Variants in ODAD2 observed in about 807,000 individuals in gnomAD.
ODAD2 encodes outer dynein arm docking complex subunit 2, also known as outer dynein arm-docking complex subunit 2.
In ODAD2, 89 loss-of-function variants were observed where a neutral mutation model predicts 106.8. That is an observed-to-expected ratio of 0.83 (90% confidence interval 0.70 to 0.99). The LOEUF (loss-of-function observed/expected upper bound fraction) is 0.99. Ranked by LOEUF, ODAD2 falls within the 50% of genes least tolerant of loss-of-function variation. The probability of loss-of-function intolerance (pLI) is 0.00; values close to 1 mark genes in which losing one functional copy is unlikely to be tolerated. For synonymous variants in ODAD2, 404 were observed against 436.2 expected (o/e 0.93, Z 0.92); for missense variants, 1,168 against 1,238.5 (o/e 0.94, Z 0.85).
At chr10:27,851,626 T>C (rs1391868118) in intron 19 of ODAD2, among the ~76,000 whole-genome samples, 1 of 151,656 alleles carries the variant, frequency 6.6e-6, no homozygotes, top group East Asian at 1.9e-4. Context: ...AAAATCCTAA[T>C]TTAAAACACA....
At chr10:27,962,714 G>A (rs1224911051) in intron 9 of ODAD2, among the ~76,000 whole-genome samples, 3 of 152,038 alleles carry the variant, frequency 2.0e-5, no homozygotes, top group Admixed American at 6.6e-5. Flanking sequence ...TATGCCCTAC[G>A]TCCCTGCAGA....
intron 6 of ODAD2, among the ~76,000 whole-genome samples, chr10:27,983,627 T>G (rs1849693279): frequency 6.6e-6 from 1 of 152,220 alleles, no homozygotes; most frequent in Non-Finnish European, 1.5e-5. Context: ...GAAGCCCATT[T>G]CTTATCAGAT....
rs778597841 is a variant in ODAD2 at position 27,939,901 on chromosome 10, TA to T, written c.2092del (p.Tyr698ThrfsTer35). Reference protein sequence around the residue: ...QLQEHCAMAIYQCAEDKETRD... With the variant: ...QLQEHCAMAIXQCAEDKETRD... Reference sequence around the variant, plus strand: ...CGCTGGGAGAGTTCACTGCACCTGGTAAATGGCCATGGCGCAGTGCTCCTGC... The same window carrying T: ...CGCTGGGAGAGTTCACTGCACCTGGTAATGGCCATGGCGCAGTGCTCCTGC... On this transcript the variant is annotated frameshift_variant, in exon 14 of 20. Coordinates refer to ENST00000305242, the MANE Select transcript of ODAD2 (RefSeq NM_018076.5). LOFTEE classifies it high-confidence loss of function. 5 of 1,595,524 alleles carry T rather than the reference TA, an allele frequency of 3.1e-6. No individual in the cohort carries two copies. Among genetic ancestry groups the T allele is most frequent in the South Asian group, 1.1e-5 (1 of 88,282 alleles).
chr10:27,934,895 C>G, intron 16 of ODAD2, 115 bp downstream of exon 16: 2 of 1,281,700 alleles, frequency 1.6e-6, no homozygotes, highest in East Asian at 4.7e-5. Context: ...ATATGACACA[C>G]TGTATTTTTT....
intron 16 of ODAD2, among the ~76,000 whole-genome samples, chr10:27,919,041 TG>T (rs1012581073): frequency 1.3e-5 from 2 of 151,754 alleles, no homozygotes; most frequent in Non-Finnish European, 2.9e-5. Flanking sequence ...CTGAGAGAAA[TG>T]AAAGACCCAA....
intron 10 of ODAD2, among the ~76,000 whole-genome samples, chr10:27,945,462 GAA>G (rs1283695204): frequency 1.3e-5 from 2 of 152,180 alleles, no homozygotes; most frequent in African/African-American, 2.4e-5. Context: ...GTGGGATTGG[GAA>G]AAGAGAGGCA....
intron 16 of ODAD2, among the ~76,000 whole-genome samples, chr10:27,911,099 C>G (rs1219806964): frequency 6.6e-6 from 1 of 152,106 alleles, no homozygotes; most frequent in South Asian, 2.1e-4. Context: ...ACATCGCCGC[C>G]GTCCTGCACT....
intron 19 of ODAD2, among the ~76,000 whole-genome samples, chr10:27,846,212 T>C (rs1205671464): frequency 6.6e-6 from 1 of 152,180 alleles, no homozygotes; most frequent in Non-Finnish European, 1.5e-5. Context: ...ACAGAAATTA[T>C]AACGAACTGT....
At chr10:27,877,429 C>T (rs16928382) in intron 17 of ODAD2, among the ~76,000 whole-genome samples, 3,383 of 152,268 alleles carry the variant, frequency 0.022, 147 homozygotes, top group African/African-American at 0.077. Context: ...CATAAGCTTC[C>T]TAATGACTCC....
chr10:27,970,060 T>G (rs1397988371), intron 8 of ODAD2, among the ~76,000 whole-genome samples: 1 of 151,782 alleles, frequency 6.6e-6, no homozygotes, highest in African/African-American at 2.4e-5. Context: ...GAGCCAAGTT[T>G]GTGCCACTGC....
intron 2 of ODAD2, among the ~76,000 whole-genome samples, chr10:27,993,886 C>A (rs919698245): frequency 4.6e-5 from 7 of 151,436 alleles, no homozygotes; most frequent in African/African-American, 1.7e-4. Context: ...TTTAAAAGTT[C>A]ATATCCAGAA....
chr10:27,886,228 T>A (rs1842210925), intron 17 of ODAD2, among the ~76,000 whole-genome samples: 2 of 149,724 alleles, frequency 1.3e-5, no homozygotes, highest in Admixed American at 1.3e-4. Flanking sequence ...AGACACCACA[T>A]CCCCTAGTTG....
chr10:27,868,970 T>A (rs1840658227), intron 17 of ODAD2, among the ~76,000 whole-genome samples: 1 of 151,536 alleles, frequency 6.6e-6, no homozygotes, highest in African/African-American at 2.4e-5. Context: ...AGATGAAAAC[T>A]GTAAGATAAA....
chr10:27,878,089 C>T (rs1235466876), intron 17 of ODAD2, among the ~76,000 whole-genome samples: 1 of 151,780 alleles, frequency 6.6e-6, no homozygotes, highest in East Asian at 1.9e-4. Flanking sequence ...ACCTTCACTA[C>T]TTAGGAGATT....
chr10:27,869,167 G>A (rs80311802), intron 17 of ODAD2, among the ~76,000 whole-genome samples: 4,138 of 152,046 alleles, frequency 0.027, 67 homozygotes, highest in Non-Finnish European at 0.043. Flanking sequence ...ACTAGAAGGA[G>A]CACAAGAACA....
intron 10 of ODAD2, among the ~76,000 whole-genome samples, chr10:27,948,938 T>C (rs2132681858): frequency 6.6e-6 from 1 of 152,190 alleles, no homozygotes; most frequent in South Asian, 2.1e-4. Flanking sequence ...CTTTCACTTT[T>C]CTTAAAACTT....
At position 27,961,564 on chromosome 10, in the gene ODAD2, T is replaced by C. The variant is rs199776339; in HGVS notation, c.1386+4A>G. ...GCAAACATACTACCATAGACCTTTC[T>C]TACCTTTAAATATTTCACCAGCTTC... On this transcript the variant is annotated splice_donor_region_variant and intron_variant, in intron 10 of 19. Transcript: ENST00000305242. The C allele has an allele frequency of 8.0e-5, 128 of 1,609,896 alleles. No individual in the cohort carries two copies. In the East Asian group the frequency reaches 1.3e-3, roughly 17 times the overall value.
chr10:27,846,455 C>T (rs1167837396), intron 19 of ODAD2, among the ~76,000 whole-genome samples: 1 of 151,960 alleles, frequency 6.6e-6, no homozygotes, highest in African/African-American at 2.4e-5. Context: ...GCACTAAATG[C>T]CCACAAGAGA....
intron 19 of ODAD2, among the ~76,000 whole-genome samples, chr10:27,846,092 CTCTCCACCCCAAA>C (rs1414147979): frequency 1.3e-5 from 2 of 152,206 alleles, no homozygotes; most frequent in Non-Finnish European, 2.9e-5. Context: ...ATCCACAGAA[CTCTCCACCCCAAA>C]TCAACAGAAT....
Sources: allele counts gnomAD v4.1 joint callset (sites outside exome capture counted in the v4.1 genomes callset), GRCh38; gene constraint gnomAD v4.1.1; transcripts MANE v1.5; gene names NCBI Gene and HGNC (gene_info 2026-07-23, HGNC 2026-07-21).